LINGO2: variants seen among roughly 807,000 people sequenced by gnomAD.
The protein encoded by LINGO2 is leucine-rich repeat and immunoglobulin-like domain-containing nogo receptor-interacting protein 2.
LINGO2 carries 14 observed loss-of-function variants against 30.6 expected under a neutral mutation model. That is an observed-to-expected ratio of 0.46 (90% confidence interval 0.30 to 0.72). The LOEUF (loss-of-function observed/expected upper bound fraction) is 0.72, where lower values mean the gene tolerates loss of function less well. LINGO2 is among the 30% of genes least tolerant of loss of function. LINGO2 has a pLI of 0.07. For synonymous variants in LINGO2, 317 were observed against 288.5 expected (o/e 1.10, Z -1.00); for missense variants, 729 against 751.7 (o/e 0.97, Z 0.35).
chr9:28,333,663 CTT>C (rs1269254333), intron 3 of LINGO2, among the ~76,000 whole-genome samples: 3 of 152,142 alleles, frequency 2.0e-5, no homozygotes, highest in African/African-American at 7.2e-5. Context: ...GTGACGTACT[CTT>C]AAGATATTTT....
chr9:28,339,377 C>A (rs933115507), intron 3 of LINGO2, among the ~76,000 whole-genome samples: 3 of 152,036 alleles, frequency 2.0e-5, no homozygotes, highest in African/African-American at 7.2e-5. Flanking sequence ...AAAATTGAAG[C>A]TTAGTTTCTA....
intron 2 of LINGO2, among the ~76,000 whole-genome samples, chr9:28,441,183 G>A (rs1473695577): frequency 7.3e-6 from 1 of 136,116 alleles, no homozygotes; most frequent in Non-Finnish European, 1.5e-5. Flanking sequence ...CCAGCCTCCA[G>A]AATTGTGAGA....
At chr9:28,237,585 C>G (rs767850594) in intron 4 of LINGO2, among the ~76,000 whole-genome samples, 5 of 152,154 alleles carry the variant, frequency 3.3e-5, no homozygotes, top group Admixed American at 1.3e-4. Context: ...TGCGGTGGCT[C>G]ACACCTGCAA....
At chr9:28,572,584 T>C (rs1200993397) in intron 1 of LINGO2, among the ~76,000 whole-genome samples, 1 of 152,124 alleles carries the variant, frequency 6.6e-6, no homozygotes, top group Non-Finnish European at 1.5e-5. Flanking sequence ...ATAAGTTATA[T>C]AAAATCCACC....
the LINGO2 span, among the ~76,000 whole-genome samples, chr9:28,761,882 C>T: frequency 6.6e-6 from 1 of 151,966 alleles, no homozygotes; most frequent in Non-Finnish European, 1.5e-5. Flanking sequence ...AACATGTATG[C>T]AATGGGTTGT....
chr9:28,252,640 T>C (rs898495636), intron 4 of LINGO2, among the ~76,000 whole-genome samples: 8 of 151,928 alleles, frequency 5.3e-5, no homozygotes, highest in African/African-American at 1.9e-4. Flanking sequence ...ATATAGTATA[T>C]TTACTACATA....
At chr9:28,854,520 T>C in the LINGO2 span, among the ~76,000 whole-genome samples, 1 of 151,908 alleles carries the variant, frequency 6.6e-6, no homozygotes, top group African/African-American at 2.4e-5. Flanking sequence ...ATAAATGGAA[T>C]CTCCACAGAG....
intron 3 of LINGO2, among the ~76,000 whole-genome samples, chr9:28,348,549 C>A (rs1819693195): frequency 6.6e-6 from 1 of 152,174 alleles, no homozygotes; most frequent in Non-Finnish European, 1.5e-5. Flanking sequence ...GATCAAACTG[C>A]AAGGCGGCAG....
chr9:28,804,206 G>C, the LINGO2 span, among the ~76,000 whole-genome samples: 1 of 152,068 alleles, frequency 6.6e-6, no homozygotes, highest in South Asian at 2.1e-4. Context: ...GAGGACGAAA[G>C]TAAACAGAGC....
chr9:28,013,564 C>T (rs771470422), intron 4 of LINGO2, among the ~76,000 whole-genome samples: 4 of 152,154 alleles, frequency 2.6e-5, no homozygotes, highest in Non-Finnish European at 5.9e-5. Context: ...TACTCTTGTA[C>T]AGAGGAATGT....
chr9:28,189,497 G>A lies in LINGO2; in HGVS notation c.-87+105711C>T, dbSNP rs371238706. Among the ~76,000 whole-genome samples the A allele has an allele frequency of 8.6e-3, 161 of 18,684 alleles. 1 individual carries two copies. Among genetic ancestry groups the A allele is most frequent in the Non-Finnish European group, 0.011 (110 of 10,336 alleles). 12.3% of individuals were successfully genotyped at this position (18,684 alleles called of 152,430 possible). ...GAAGGGAGGGAGGAAGGAAGGAAGGGAGGAAGGAAGGAAGGGAGGGAGGAA... is the reference window on the plus strand; with the variant it reads ...GAAGGGAGGGAGGAAGGAAGGAAGGAAGGAAGGAAGGAAGGGAGGGAGGAA... On this transcript the variant is annotated intron_variant, in intron 4 of 5. Transcript: ENST00000379992.
intron 1 of LINGO2, among the ~76,000 whole-genome samples, chr9:28,526,810 C>T (rs1042677646): frequency 7.2e-5 from 11 of 152,052 alleles, no homozygotes; most frequent in African/African-American, 2.2e-4. Flanking sequence ...GGTTTTACAA[C>T]GTAATAGATT....
At chr9:28,710,369 T>C in the LINGO2 span, among the ~76,000 whole-genome samples, 284 of 152,212 alleles carry the variant, frequency 1.9e-3, 4 homozygotes, top group Admixed American at 0.012. Context: ...AGCAAGTTTA[T>C]GGTATTTTGT....
intron 4 of LINGO2, among the ~76,000 whole-genome samples, chr9:28,135,621 G>A (rs759394660): frequency 1.3e-5 from 2 of 151,698 alleles, no homozygotes; most frequent in African/African-American, 4.8e-5. Flanking sequence ...CTTGTATCAC[G>A]GTCTGTTCTG....
intron 4 of LINGO2, among the ~76,000 whole-genome samples, chr9:28,251,734 AAAGC>A (rs1233708823): frequency 1.5e-4 from 23 of 152,210 alleles, no homozygotes; most frequent in African/African-American, 5.5e-4. Flanking sequence ...ATTTCAAAGA[AAAGC>A]AAGAGTAGCT....
the LINGO2 span, among the ~76,000 whole-genome samples, chr9:28,923,280 T>C: frequency 6.6e-6 from 1 of 152,188 alleles, no homozygotes; most frequent in Non-Finnish European, 1.5e-5. Flanking sequence ...CATTGGCTCT[T>C]AATGAGTACT....
chr9:28,726,586 G>T, the LINGO2 span, among the ~76,000 whole-genome samples: 2 of 152,150 alleles, frequency 1.3e-5, no homozygotes, highest in Non-Finnish European at 2.9e-5. Context: ...CTTTAAATTT[G>T]CAGATTGAAA....
At chr9:28,632,116 T>C (rs1826971060) in intron 1 of LINGO2, among the ~76,000 whole-genome samples, 1 of 152,058 alleles carries the variant, frequency 6.6e-6, no homozygotes, top group Admixed American at 6.6e-5. Flanking sequence ...GTGACTGGTG[T>C]CTTAATAGGA....
intron 3 of LINGO2, among the ~76,000 whole-genome samples, chr9:28,363,229 CCTATG>C (rs1455024819): frequency 1.3e-5 from 2 of 152,160 alleles, no homozygotes; most frequent in Non-Finnish European, 2.9e-5. Flanking sequence ...GTCTCCAGAG[CCTATG>C]CTCTGCTTAC....
Sources: allele counts gnomAD v4.1 joint callset (sites outside exome capture counted in the v4.1 genomes callset), GRCh38; gene constraint gnomAD v4.1.1; transcripts MANE v1.5; gene names NCBI Gene and HGNC (gene_info 2026-07-23, HGNC 2026-07-21).